Variants in THSD7A observed in about 807,000 individuals in gnomAD.
THSD7A encodes thrombospondin type 1 domain containing 7A.
THSD7A carries 96 observed loss-of-function variants against 231.3 expected under a neutral mutation model. That is an observed-to-expected ratio of 0.41 (90% CI 0.35 to 0.49). The LOEUF is 0.49. THSD7A is among the 20% of genes least tolerant of loss of function. The pLI is 0.05. For missense variants in THSD7A, 2,290 were observed against 2,070.2 expected, an observed-to-expected ratio of 1.11 and a Z score of -2.06; for synonymous variants, 940 against 743.3, an observed-to-expected ratio of 1.26 and a Z score of -4.30.
intron 6 of THSD7A, among the ~76,000 whole-genome samples, chr7:11,515,703 T>G (rs1185808317): frequency 1.3e-5 from 2 of 152,134 alleles, no homozygotes; most frequent in East Asian, 3.9e-4. Flanking sequence ...AGACAGCCCA[T>G]GTTTTATAGT....
intron 2 of THSD7A, among the ~76,000 whole-genome samples, chr7:11,619,380 A>G (rs1781227578): frequency 2.0e-5 from 3 of 150,870 alleles, no homozygotes; most frequent in South Asian, 4.2e-4. Context: ...ATGAATAAAC[A>G]GTAATTTCTT....
At chr7:11,753,193 TAATC>T (rs1391490084) in intron 1 of THSD7A, among the ~76,000 whole-genome samples, 1 of 152,100 alleles carries the variant, frequency 6.6e-6, no homozygotes, top group Admixed American at 6.6e-5. Context: ...ATTGTCTCTT[TAATC>T]AATTTGTTTG....
chr7:11,438,465 C>A (rs1784701263), intron 13 of THSD7A, among the ~76,000 whole-genome samples: 1 of 151,844 alleles, frequency 6.6e-6, no homozygotes, highest in Non-Finnish European at 1.5e-5. Context: ...CCTACAGATG[C>A]TTGCAAAAAA....
intron 9 of THSD7A, among the ~76,000 whole-genome samples, chr7:11,466,777 A>T (rs1785723927): frequency 1.3e-5 from 2 of 152,024 alleles, no homozygotes; most frequent in African/African-American, 4.8e-5. Context: ...CCGAGTTGGC[A>T]TTTTTGCACT....
intron 6 of THSD7A, among the ~76,000 whole-genome samples, chr7:11,495,668 G>A (rs150281281): frequency 8.5e-5 from 13 of 152,178 alleles, no homozygotes; most frequent in Non-Finnish European, 1.3e-4. Context: ...TCTTAAAAAG[G>A]GTTTGGCTTA....
chr7:11,545,814 T>C (rs76446577), intron 4 of THSD7A, among the ~76,000 whole-genome samples: 2,657 of 152,222 alleles, frequency 0.017, 33 homozygotes, highest in Middle Eastern at 0.031. Context: ...GGCACAGAAA[T>C]AGCTGCAGAA....
intron 1 of THSD7A, among the ~76,000 whole-genome samples, chr7:11,647,643 A>G (rs1377263295): frequency 6.6e-6 from 1 of 152,132 alleles, no homozygotes; most frequent in Non-Finnish European, 1.5e-5. Flanking sequence ...CAAGACCAAG[A>G]AACCAGGCAT....
At chr7:11,593,930 G>A (rs1413480770) in intron 2 of THSD7A, among the ~76,000 whole-genome samples, 1 of 152,146 alleles carries the variant, frequency 6.6e-6, no homozygotes, top group Non-Finnish European at 1.5e-5. Flanking sequence ...AAATTGATTG[G>A]ATTGAAGCAT....
chr7:11,693,091 T>A (rs750836408), intron 1 of THSD7A, among the ~76,000 whole-genome samples: 1 of 151,564 alleles, frequency 6.6e-6, no homozygotes, highest in Non-Finnish European at 1.5e-5. Context: ...ATGAAATGAA[T>A]GAACTTTTCA....
intron 1 of THSD7A, among the ~76,000 whole-genome samples, chr7:11,739,505 A>G (rs2128160206): frequency 6.6e-6 from 1 of 152,154 alleles, no homozygotes; most frequent in Non-Finnish European, 1.5e-5. Context: ...TTAATTATTG[A>G]TAGCCAGATG....
chr7:11,663,616 T>C (rs776478899), intron 1 of THSD7A, among the ~76,000 whole-genome samples: 8 of 151,338 alleles, frequency 5.3e-5, no homozygotes, highest in Non-Finnish European at 1.0e-4. Flanking sequence ...GAGGCCAGTC[T>C]CTCTGACAAA....
Position 11,446,923 on chromosome 7 carries a change from CTTG to C in THSD7A, c.2800+304_2800+306del, listed in dbSNP as rs1784989767. Among the ~76,000 whole-genome samples, 1 of 152,096 alleles carries C rather than the reference CTTG, an allele frequency of 6.6e-6. No individual in the cohort carries two copies. Among genetic ancestry groups the C allele is most frequent in the African/African-American group, 2.4e-5 (1 of 41,426 alleles). On this transcript the variant is annotated intron_variant, in intron 12 of 27. Coordinates refer to ENST00000423059, the MANE Select transcript of THSD7A (RefSeq NM_015204.3). This position sits in a 1 kb window ranked among gnomAD's most constrained non-coding sequence, Gnocchi z 4.0. Reference sequence around the variant, plus strand: ...GGTTAACAAAGTAGCAACTTTTTCTCTTGTTCCCCAAAAACTTTGCTCCAAGCA... The same window carrying C: ...GGTTAACAAAGTAGCAACTTTTTCTCTTCCCCAAAAACTTTGCTCCAAGCA...
In THSD7A at chr7:11,632,762, A is replaced by G. The variant is rs1381031883; in HGVS notation, c.1022+3368T>C. On this transcript the variant is annotated intron_variant, in intron 2 of 27. Coordinates refer to ENST00000423059, the MANE Select transcript of THSD7A (RefSeq NM_015204.3). This position sits in a 1 kb window ranked among gnomAD's most constrained non-coding sequence, Gnocchi z 4.1. ...AAAGTTGATCTATATTAGTTCTCCC[A>G]TTAGGTCATTATTTCAACTTCTTCT... Among the ~76,000 whole-genome samples the G allele has an allele frequency of 1.3e-5, 2 of 152,184 alleles. No individual in the cohort carries two copies. Among genetic ancestry groups the G allele is most frequent in the African/African-American group, 4.8e-5 (2 of 41,450 alleles).
intron 2 of THSD7A, among the ~76,000 whole-genome samples, chr7:11,621,435 C>T (rs990068035): frequency 2.0e-5 from 3 of 152,216 alleles, no homozygotes; most frequent in Admixed American, 6.5e-5. Context: ...GATGACATCC[C>T]TTTAATAACT....
Position 11,590,182 on chromosome 7 carries a change from T to G in THSD7A, c.1453+278A>C, listed in dbSNP as rs894054305. On this transcript the variant is annotated intron_variant, in intron 4 of 27. Coordinates refer to ENST00000423059, the MANE Select transcript of THSD7A (RefSeq NM_015204.3). The surrounding 1 kb of genome is among the most constrained non-coding windows in gnomAD (Gnocchi z 4.4). Reference sequence around the variant, plus strand: ...AAATTTTCGTCTAGTTTTTACATTATTCCTGCTAAACTTTGATGAAGAGGT... The same window carrying G: ...AAATTTTCGTCTAGTTTTTACATTAGTCCTGCTAAACTTTGATGAAGAGGT... Among the ~76,000 whole-genome samples, 5 of 152,356 alleles carry G rather than the reference T, an allele frequency of 3.3e-5. No homozygotes were observed. In the South Asian group the frequency reaches 1.0e-3, roughly 32 times the overall value.
intron 1 of THSD7A, chr7:11,820,473 T>G: frequency 8.8e-7 from 1 of 1,133,290 alleles, no homozygotes; most frequent in Non-Finnish European, 1.2e-6. Context: ...GACCCGGAGG[T>G]CATCATGCAA....
chr7:11,786,771 A>AAG (rs1554278143), intron 1 of THSD7A, among the ~76,000 whole-genome samples: 2,926 of 148,298 alleles, frequency 0.02, 104 homozygotes, highest in African/African-American at 0.065. Context: ...AAAAAAAAAA[A>AAG]AAAAAAAAAG....
chr7:11,510,666 AC>A (rs1309541215), intron 6 of THSD7A, among the ~76,000 whole-genome samples: 1 of 152,214 alleles, frequency 6.6e-6, no homozygotes, highest in Non-Finnish European at 1.5e-5. Flanking sequence ...GGAACTAAAG[AC>A]AAAAACCACA....
At chr7:11,448,735 C>A (rs1351704917) in intron 11 of THSD7A, among the ~76,000 whole-genome samples, 1 of 152,080 alleles carries the variant, frequency 6.6e-6, no homozygotes, top group Non-Finnish European at 1.5e-5. Context: ...TGTAGTTGAA[C>A]ACAACTTAAT....
Sources: gnomAD v4.1 joint callset for allele counts (sites outside exome capture counted in the v4.1 genomes callset) on GRCh38, gnomAD v4.1.1 for gene constraint, Gnocchi (gnomAD v3.1) non-coding constraint, MANE v1.5 for transcripts, NCBI Gene and HGNC (gene_info 2026-07-23, HGNC 2026-07-21) for gene names.